The following SLC9A9 variants were observed in gnomAD, a reference collection of about 807,000 sequenced individuals.
SLC9A9 encodes the protein sodium/hydrogen exchanger 9.
Under a neutral mutation model 77.8 loss-of-function variants are expected in SLC9A9, and 62 were observed. That is an observed-to-expected ratio of 0.80 (90% CI 0.65 to 0.98). The LOEUF is 0.98. Among genes scored for constraint, SLC9A9 ranks in the 50% least tolerant of loss-of-function variants. The pLI is 0.00. For synonymous variants in SLC9A9, 320 were observed against 283.5 expected, an observed-to-expected ratio of 1.13 and a Z score of -1.29; for missense variants, 775 against 774.9, an observed-to-expected ratio of 1.00 and a Z score of 0.00.
Position 143,268,943 on chromosome 3 carries a change from G to C in SLC9A9, c.1642C>G (p.Leu548Val). The C allele has an allele frequency of 6.2e-7, 1 of 1,613,712 alleles. No individual in the cohort carries two copies. The highest frequency in any genetic ancestry group is 1.1e-5 in the South Asian group (1 of 91,072). Residue 548 changes from leucine (L) to valine (V), a missense_variant, in exon 15 of 16, where the codon CTG becomes GTG. Transcript: ENST00000316549. Reference protein sequence around the residue: ...KPILTHSGPPLTTTLPEWCGP... With the variant: ...KPILTHSGPPVTTTLPEWCGP... ...CACCATTCAGGTAATGTTGTAGTCA[G>C]CGGAGGACCAGAGTGGGTTAAAATT... is the stretch of plus-strand genomic sequence containing the variant.
intron 13 of SLC9A9, among the ~76,000 whole-genome samples, chr3:143,379,037 AATATAT>A (rs201767123): frequency 2.0e-5 from 3 of 150,416 alleles, no homozygotes; most frequent in Non-Finnish European, 4.4e-5. Context: ...TATAATTTTA[AATATAT>A]ATATATAGTT....
At chr3:143,531,707 G>A (rs985221510) in intron 9 of SLC9A9, among the ~76,000 whole-genome samples, 1 of 152,220 alleles carries the variant, frequency 6.6e-6, no homozygotes, top group East Asian at 1.9e-4. Context: ...TAATGAAAGA[G>A]AACAATATCA....
At chr3:143,554,622 G>T (rs1377214519) in intron 8 of SLC9A9, among the ~76,000 whole-genome samples, 1 of 152,156 alleles carries the variant, frequency 6.6e-6, no homozygotes, top group Non-Finnish European at 1.5e-5. Context: ...GTCAGACCAT[G>T]TCTGGCCTTT....
intron 13 of SLC9A9, among the ~76,000 whole-genome samples, chr3:143,372,326 A>G (rs1328510613): frequency 2.0e-5 from 3 of 152,194 alleles, no homozygotes; most frequent in African/African-American, 7.2e-5. Context: ...TACCAAGGCT[A>G]CAGTTACCAA....
At chr3:143,779,069 T>A (rs1335291825) in intron 4 of SLC9A9, among the ~76,000 whole-genome samples, 2 of 152,214 alleles carry the variant, frequency 1.3e-5, no homozygotes, top group Admixed American at 6.5e-5. Context: ...CCGGGATGTC[T>A]TATGGGGAAG....
At chr3:143,555,167 A>C (rs1011961085) in intron 8 of SLC9A9, among the ~76,000 whole-genome samples, 2 of 152,138 alleles carry the variant, frequency 1.3e-5, no homozygotes, top group Non-Finnish European at 2.9e-5. Flanking sequence ...AATAAGTCTC[A>C]TGAGATCTGA....
At chr3:143,581,926 G>A (rs564462458) in intron 6 of SLC9A9, among the ~76,000 whole-genome samples, 4 of 152,296 alleles carry the variant, frequency 2.6e-5, no homozygotes, top group African/African-American at 4.8e-5. Flanking sequence ...GGCTGGACTC[G>A]GTCTTGCTTC....
intron 4 of SLC9A9, among the ~76,000 whole-genome samples, chr3:143,729,932 A>G (rs1480108798): frequency 6.6e-6 from 1 of 152,238 alleles, no homozygotes. Context: ...ATGTTTTATT[A>G]TAATACTTCC....
chr3:143,699,141 G>C (rs1261344107), intron 4 of SLC9A9, among the ~76,000 whole-genome samples: 5 of 152,172 alleles, frequency 3.3e-5, no homozygotes, highest in African/African-American at 7.2e-5. Context: ...AGTTCCCCTA[G>C]TGAAATTCAT....
chr3:143,513,103 G>C (rs1416778952), intron 9 of SLC9A9, among the ~76,000 whole-genome samples: 1 of 152,062 alleles, frequency 6.6e-6, no homozygotes, highest in Non-Finnish European at 1.5e-5. Flanking sequence ...CAACAATGAA[G>C]TTTGCTAAAT....
chr3:143,598,870 C>A (rs1222290201), intron 6 of SLC9A9, among the ~76,000 whole-genome samples: 5 of 152,226 alleles, frequency 3.3e-5, no homozygotes, highest in Non-Finnish European at 7.3e-5. Flanking sequence ...AGATACCTGT[C>A]AAGCTCACCA....
chr3:143,317,654 ATG>A (rs1559865106), intron 14 of SLC9A9, among the ~76,000 whole-genome samples: 2 of 41,066 alleles, frequency 4.9e-5, no homozygotes, highest in Non-Finnish European at 9.6e-5. Flanking sequence ...AAATTTCCTT[ATG>A]TATTTCTCAG....
chr3:143,765,641 C>A (rs936992561), intron 4 of SLC9A9, among the ~76,000 whole-genome samples: 5 of 152,076 alleles, frequency 3.3e-5, no homozygotes, highest in Non-Finnish European at 5.9e-5. Flanking sequence ...TATAAGTGAC[C>A]AAAATAATCT....
chr3:143,529,438 G>A (rs1460991075), intron 9 of SLC9A9, among the ~76,000 whole-genome samples: 4 of 152,132 alleles, frequency 2.6e-5, no homozygotes, highest in Admixed American at 1.3e-4. Context: ...GATAAAACAA[G>A]GGCATTATGA....
chr3:143,472,830 A>G (rs1358205435), intron 11 of SLC9A9, among the ~76,000 whole-genome samples: 1 of 152,240 alleles, frequency 6.6e-6, no homozygotes, highest in Non-Finnish European at 1.5e-5. Context: ...AGTTTCTACA[A>G]GTTCAGTTTC....
At chr3:143,662,812 G>A (rs57917966) in intron 5 of SLC9A9, among the ~76,000 whole-genome samples, 22,216 of 152,060 alleles carry the variant, frequency 0.15, 2,382 homozygotes, top group African/African-American at 0.31. Context: ...AGCTCGAACT[G>A]GGTGAAGCCC....
At chr3:143,456,486 A>G (rs1356449464) in intron 12 of SLC9A9, among the ~76,000 whole-genome samples, 4 of 152,082 alleles carry the variant, frequency 2.6e-5, no homozygotes, top group Non-Finnish European at 5.9e-5. Flanking sequence ...ATCTTCTTTC[A>G]AAGAATTTGC....
chr3:143,438,769 G>C (rs1009663520), intron 12 of SLC9A9, among the ~76,000 whole-genome samples: 1 of 152,120 alleles, frequency 6.6e-6, no homozygotes, highest in East Asian at 1.9e-4. Flanking sequence ...GTTCTTGAGT[G>C]GGGAGTGGAC....
chr3:143,442,724 C>CAATA (rs897594119), intron 12 of SLC9A9, among the ~76,000 whole-genome samples: 1 of 152,070 alleles, frequency 6.6e-6, no homozygotes. Flanking sequence ...AACTCCATCT[C>CAATA]AATAAATAAA....
Sources: gnomAD v4.1 joint callset for allele counts (sites outside exome capture counted in the v4.1 genomes callset) on GRCh38, gnomAD v4.1.1 for gene constraint, MANE v1.5 for transcripts, NCBI Gene and HGNC (gene_info 2026-07-23, HGNC 2026-07-21) for gene names.